Variants in KPNA7 observed in about 807,000 individuals in gnomAD.
KPNA7 encodes importin subunit alpha-8.
KPNA7 carries 54 observed loss-of-function variants against 53.7 expected under a neutral mutation model. The ratio of observed to expected loss-of-function variants is 1.01; its 90% confidence interval spans 0.81 to 1.26. The LOEUF is 1.26. KPNA7 is among the 50% of genes most tolerant of loss of function. The pLI is 0.00. For missense variants in KPNA7, 640 were observed against 644.5 expected, an observed-to-expected ratio of 0.99 and a Z score of 0.07; for synonymous variants, 276 against 259.3, an observed-to-expected ratio of 1.06 and a Z score of -0.62.
intron 3 of KPNA7, among the ~76,000 whole-genome samples, chr7:99,196,826 T>C (rs1790252591): frequency 6.6e-6 from 1 of 152,276 alleles, no homozygotes; most frequent in Admixed American, 6.5e-5. Flanking sequence ...CCCTGAAAGA[T>C]CCCACTTACA....
At chr7:99,213,703 T>G (rs1791133857) in intron 1 of KPNA7, among the ~76,000 whole-genome samples, 2 of 152,046 alleles carry the variant, frequency 1.3e-5, no homozygotes, top group South Asian at 4.2e-4. Flanking sequence ...CTCAAACTAC[T>G]GGGCTCAAGC....
At chr7:99,213,268 AG>A (rs1791122262) in intron 1 of KPNA7, among the ~76,000 whole-genome samples, 4 of 151,570 alleles carry the variant, frequency 2.6e-5, no homozygotes. Context: ...CTGGAACTAA[AG>A]GCTCACACCA....
the KPNA7 span, among the ~76,000 whole-genome samples, chr7:99,148,877 G>A: frequency 4.8e-5 from 7 of 144,970 alleles, no homozygotes; most frequent in East Asian, 2.0e-4. Context: ...ATGAGCCACC[G>A]CACTCAGCCC....
downstream of KPNA7, among the ~76,000 whole-genome samples, chr7:99,172,369 CA>C: frequency 6.6e-6 from 1 of 152,054 alleles, no homozygotes; most frequent in Non-Finnish European, 1.5e-5. Context: ...TACATTGTAT[CA>C]AAGTTCATTT....
intron 3 of KPNA7, among the ~76,000 whole-genome samples, chr7:99,201,124 T>C (rs1790509669): frequency 6.6e-6 from 1 of 152,200 alleles, no homozygotes; most frequent in African/African-American, 2.4e-5. Flanking sequence ...ATGATTGCAT[T>C]TCTAGGGAAT....
In KPNA7 at chr7:99,176,985, G is replaced by A. The variant is rs78856510; in HGVS notation, c.1464+935C>T. ...AAATGGTAGAAGAAACTCACATGTC[G>A]ATTGACAGGTAAATGAATATATATA... is the stretch of plus-strand genomic sequence containing the variant. On this transcript the variant is annotated intron_variant, in intron 10 of 10. Transcript: ENST00000327442. Among the ~76,000 whole-genome samples the A allele has an allele frequency of 7.0e-3, 1,067 of 152,270 alleles. 19 individuals are homozygous for A. The highest frequency in any genetic ancestry group is 0.024 in the African/African-American group (999 of 41,556).
At chr7:99,169,088 G>A (rs558103928), downstream of KPNA7, among the ~76,000 whole-genome samples, 10 of 152,144 alleles carry the variant, frequency 6.6e-5, no homozygotes, top group South Asian at 2.1e-4. Context: ...CCCGGGAGGC[G>A]GCGGTTGCAG....
intron 9 of KPNA7, among the ~76,000 whole-genome samples, chr7:99,178,446 G>A: frequency 6.6e-6 from 1 of 151,962 alleles, no homozygotes; most frequent in South Asian, 2.1e-4. Flanking sequence ...GCAGGTGCCT[G>A]TAATTCCAGC....
At chr7:99,157,919 C>A in the KPNA7 span, among the ~76,000 whole-genome samples, 3 of 151,502 alleles carry the variant, frequency 2.0e-5, no homozygotes, top group Non-Finnish European at 4.4e-5. Context: ...AGACTACAGG[C>A]AGGTGCTACC....
At chr7:99,156,473 C>A in the KPNA7 span, among the ~76,000 whole-genome samples, 1 of 152,060 alleles carries the variant, frequency 6.6e-6, no homozygotes, top group Admixed American at 6.6e-5. Context: ...ATTTATTCTG[C>A]TTGGCATTCA....
At chr7:99,192,468 A>G (rs1277818479) in intron 6 of KPNA7, among the ~76,000 whole-genome samples, 1 of 152,206 alleles carries the variant, frequency 6.6e-6, no homozygotes. Context: ...GCTGGAGTGC[A>G]GTGGTGTGAT....
At chr7:99,198,504 C>A (rs956243849) in intron 3 of KPNA7, among the ~76,000 whole-genome samples, 17 of 150,436 alleles carry the variant, frequency 1.1e-4, no homozygotes, top group Admixed American at 1.1e-3. Flanking sequence ...AACATAGTAC[C>A]CCGTATTAAT....
intron 2 of KPNA7, among the ~76,000 whole-genome samples, chr7:99,205,072 T>C (rs1397490574): frequency 1.3e-5 from 2 of 152,080 alleles, no homozygotes; most frequent in African/African-American, 4.8e-5. Flanking sequence ...TTCCTTTAAT[T>C]TTCAGTGGTC....
Position 99,185,123 on chromosome 7 carries a change from T to C in KPNA7, c.940A>G (p.Thr314Ala), listed in dbSNP as rs1362232053. Residue 314 changes from threonine (T) to alanine (A), a missense_variant, in exon 8 of 11, where the codon ACA becomes GCA. By Grantham distance (58) the Thr-to-Ala change is moderately conservative (BLOSUM62 0). Coordinates refer to ENST00000327442, the MANE Select transcript of KPNA7 (RefSeq NM_001145715.3). ...LRTVGNIVTG[T>A]DEQTQMAIDA... ...ATGGCCATCTGCGTCTGCTCATCTGTGCCCGTGACAATGTTCCCCACGGTG... is the reference window on the plus strand; with the variant it reads ...ATGGCCATCTGCGTCTGCTCATCTGCGCCCGTGACAATGTTCCCCACGGTG... 2 of 1,551,980 alleles carry C rather than the reference T, an allele frequency of 1.3e-6. No individual in the cohort carries two copies. The highest frequency in any genetic ancestry group is 1.7e-6 in the Non-Finnish European group (2 of 1,147,098).
upstream of KPNA7, among the ~76,000 whole-genome samples, chr7:99,209,667 A>G (rs1392511782): frequency 1.1e-4 from 15 of 137,156 alleles, no homozygotes; most frequent in Non-Finnish European, 2.2e-4. Context: ...TGGGCAACAG[A>G]GCGAGACTCC....
chr7:99,151,640 A>G, the KPNA7 span, among the ~76,000 whole-genome samples: 1 of 151,302 alleles, frequency 6.6e-6, no homozygotes, highest in African/African-American at 2.4e-5. Context: ...TTTTTTTTCT[A>G]GAGACAGGTT....
At chr7:99,184,153 CCTT>C (rs903100431) in intron 8 of KPNA7, among the ~76,000 whole-genome samples, 1 of 82,838 alleles carries the variant, frequency 1.2e-5, no homozygotes, top group African/African-American at 4.3e-5. Flanking sequence ...CTGCCCACAA[CCTT>C]TTTTTTTTTT....
At chr7:99,168,793 C>T (rs530818928), downstream of KPNA7, among the ~76,000 whole-genome samples, 2 of 152,326 alleles carry the variant, frequency 1.3e-5, no homozygotes, top group Admixed American at 6.5e-5. Context: ...CCACTACACC[C>T]GGCTGTGTTT....
At chr7:99,211,856 T>C (rs1791079551), upstream of KPNA7, among the ~76,000 whole-genome samples, 1 of 152,264 alleles carries the variant, frequency 6.6e-6, no homozygotes, top group Admixed American at 6.5e-5. Flanking sequence ...AAATGCAAAT[T>C]AGTTCCTGGA....
Sources: allele counts gnomAD v4.1 joint callset (sites outside exome capture counted in the v4.1 genomes callset), GRCh38; gene constraint gnomAD v4.1.1; transcripts MANE v1.5; gene names NCBI Gene and HGNC (gene_info 2026-07-23, HGNC 2026-07-21).